The following GGNBP2 variants were observed in gnomAD, a reference collection of about 807,000 sequenced individuals.
The protein encoded by GGNBP2 is gametogenetin binding protein 2.
GGNBP2 carries 10 observed loss-of-function variants against 85.9 expected under a neutral mutation model. That is an observed-to-expected ratio of 0.12 (90% confidence interval 0.07 to 0.20). GGNBP2 has a LOEUF of 0.20. Ranked by LOEUF, GGNBP2 falls within the 10% of genes least tolerant of loss-of-function variation. The pLI, the probability that GGNBP2 is intolerant of heterozygous loss-of-function variation, is 1.00. For missense variants in GGNBP2, 595 were observed against 857.8 expected, an observed-to-expected ratio of 0.69 and a Z score of 3.83; for synonymous variants, 287 against 285.7, an observed-to-expected ratio of 1.00 and a Z score of -0.05.
At chr17:36,551,233 T>G (rs1362747696) in intron 2 of GGNBP2, among the ~76,000 whole-genome samples, 6 of 151,266 alleles carry the variant, frequency 4.0e-5, no homozygotes, top group Non-Finnish European at 8.8e-5. Flanking sequence ...TGAGACCGAG[T>G]TTTGCTCTTG....
At chr17:36,571,843 A>T (rs2074528305) in intron 6 of GGNBP2, among the ~76,000 whole-genome samples, 1 of 151,688 alleles carries the variant, frequency 6.6e-6, no homozygotes, top group Non-Finnish European at 1.5e-5. Flanking sequence ...ACTCCATCTC[A>T]AAAAAAAGAT....
At chr17:36,551,039 C>T (rs2074303518) in intron 2 of GGNBP2, among the ~76,000 whole-genome samples, 1 of 152,128 alleles carries the variant, frequency 6.6e-6, no homozygotes, top group African/African-American at 2.4e-5. Context: ...AGTGCATTGT[C>T]TCCAGCCAGA....
chr17:36,554,352 ATTTTTTTTTTTTTTTTTT>A (rs780217291), intron 2 of GGNBP2, among the ~76,000 whole-genome samples: 232 of 44,526 alleles, frequency 5.2e-3, no homozygotes, highest in Non-Finnish European at 6.4e-3. Context: ...ATGTACTTGA[ATTTTTTTTTTTTTTTTTT>A]TTTTTTTTTT....
intron 5 of GGNBP2, among the ~76,000 whole-genome samples, chr17:36,566,301 A>G (rs1043210676): frequency 6.6e-6 from 1 of 152,196 alleles, no homozygotes; most frequent in Non-Finnish European, 1.5e-5. Context: ...ATGTGTGGCA[A>G]TTTTCATACT....
chr17:36,562,045 C>G (rs2074422351), intron 5 of GGNBP2, among the ~76,000 whole-genome samples: 1 of 152,182 alleles, frequency 6.6e-6, no homozygotes. Flanking sequence ...TTGTCCCCTA[C>G]AAAATTGCCT....
intron 9 of GGNBP2, 192 bp downstream of exon 9, chr17:36,581,730 T>C (rs2074652519): frequency 5.4e-6 from 2 of 373,548 alleles, no homozygotes; most frequent in East Asian, 4.0e-5. Context: ...TATTTTATTT[T>C]ATTTTTTTAA....
At chr17:36,582,438 G>A (rs1000292268) in intron 9 of GGNBP2, 3 of 152,088 alleles carry the variant, frequency 2.0e-5, no homozygotes, top group Non-Finnish European at 4.4e-5. Context: ...TAGAAAATAA[G>A]GACAAGAAAA....
chr17:36,577,675 A>G (rs1228755305), intron 6 of GGNBP2: 7 of 388,238 alleles, frequency 1.8e-5, no homozygotes, highest in Non-Finnish European at 3.4e-5. Flanking sequence ...AAGTGGAGAT[A>G]TGCTAGTTCT....
intron 9 of GGNBP2, among the ~76,000 whole-genome samples, chr17:36,582,857 T>C (rs866250173): frequency 1.3e-5 from 2 of 152,298 alleles, no homozygotes; most frequent in Non-Finnish European, 1.5e-5. Flanking sequence ...AGCTTTTGTT[T>C]ATGTGGGTTA....
At position 36,575,005 on chromosome 17, in the gene GGNBP2, C is replaced by T. The variant is rs772288861; in HGVS notation, c.642-2978C>T. On this transcript the variant is annotated intron_variant, in intron 6 of 13. Transcript: ENST00000613102. ...GCTGGCCGGCACGGGTCTGCTTCTGCACTGGCATAATCTTCAAAACCTCGT... is the reference window on the plus strand; with the variant it reads ...GCTGGCCGGCACGGGTCTGCTTCTGTACTGGCATAATCTTCAAAACCTCGT... The T allele has an allele frequency of 1.8e-4, 274 of 1,532,244 alleles. 1 individual carries two copies. The highest frequency in any genetic ancestry group is 3.6e-5 in the Non-Finnish European group (41 of 1,140,128). 94.9% of individuals were successfully genotyped at this position (1,532,244 alleles called of 1,614,324 possible). A position where few individuals can be genotyped will look rare whatever the true frequency, so the allele number is the denominator to read the frequency against.
chr17:36,581,371 A>T lies in GGNBP2; in HGVS notation c.1048A>T (p.Ser350Cys). Reference protein sequence around the residue: ...EMTVEKVQGISRLEQLCEEFS... With the variant: ...EMTVEKVQGICRLEQLCEEFS... ...GACCGTGGAAAAAGTACAGGGTATT[A>T]GCAGATTGGAACAACTTTGTGAGGA... is the stretch of plus-strand genomic sequence containing the variant. Residue 350 changes from serine to cysteine, a missense_variant, in exon 9 of 14, where the codon AGC (serine) becomes TGC (cysteine). By Grantham distance (112) the Ser-to-Cys change is moderately radical (BLOSUM62 -1). Around this residue, in one of 9 missense-constraint regions of GGNBP2, gnomAD observed 92 missense variants for 183.9 expected, o/e 0.50. Coordinates refer to ENST00000613102, the MANE Select transcript of GGNBP2 (RefSeq NM_024835.5). The T allele has an allele frequency of 1.2e-6, 2 of 1,612,822 alleles. No homozygotes were observed. The highest frequency in any genetic ancestry group is 1.7e-6 in the Non-Finnish European group (2 of 1,179,192).
At chr17:36,566,915 C>T (rs1018719525) in intron 5 of GGNBP2, among the ~76,000 whole-genome samples, 3 of 151,606 alleles carry the variant, frequency 2.0e-5, no homozygotes, top group Non-Finnish European at 4.4e-5. Flanking sequence ...CCTGTAATCC[C>T]AGTGCTTTGG....
Position 36,585,453 on chromosome 17 carries a change from A to G in GGNBP2, c.1366+3A>G. ...GGGGTCCCCTAAAATAAAGAAAGGT[A>G]AGTAAATAATTTCTTTTTAAAATGA... On this transcript the variant is annotated splice_donor_region_variant and intron_variant, in intron 10 of 13. Coordinates refer to ENST00000613102, the MANE Select transcript of GGNBP2 (RefSeq NM_024835.5). 1 of 1,575,944 alleles carries G rather than the reference A, an allele frequency of 6.3e-7. No individual in the cohort carries two copies. Among genetic ancestry groups the G allele is most frequent in the Non-Finnish European group, 8.6e-7 (1 of 1,156,992 alleles).
At chr17:36,588,545 C>T (rs901290450) in intron 13 of GGNBP2, among the ~76,000 whole-genome samples, 10 of 152,102 alleles carry the variant, frequency 6.6e-5, no homozygotes, top group South Asian at 2.1e-4. Flanking sequence ...CGTGAGCCAC[C>T]GCGCCCAGCT....
Position 36,545,108 on chromosome 17 carries a change from G to C in GGNBP2, c.-107+11G>C, listed in dbSNP as rs1004381264. ...CCTCCTCCGAGAAGGGTGAGGAAAG[G>C]GTCTGAGCCTCCCCGTTCCCTGGAC... On this transcript the variant is annotated intron_variant, in intron 1 of 13. Coordinates refer to ENST00000613102, the MANE Select transcript of GGNBP2 (RefSeq NM_024835.5). 6.5e-6 allele frequency: 1 copy of C among 153,060 alleles called. No individual in the cohort carries two copies. The highest frequency in any genetic ancestry group is 1.5e-5 in the Non-Finnish European group (1 of 68,312). The allele number at this position is 153,060 out of a possible 1,614,324, so 9.5% of individuals were successfully genotyped here.
intron 6 of GGNBP2, among the ~76,000 whole-genome samples, chr17:36,571,584 G>C (rs2074525060): frequency 1.3e-5 from 2 of 151,664 alleles, no homozygotes; most frequent in Admixed American, 1.3e-4. Flanking sequence ...GCTCACGCCT[G>C]TAATCCCAGC....
chr17:36,586,892 T>C (rs1403148278), intron 12 of GGNBP2, 105 bp from the exon 13 acceptor site: 12 of 1,146,842 alleles, frequency 1.0e-5, no homozygotes, highest in Non-Finnish European at 1.3e-5. Context: ...ATGTTGAGAT[T>C]GTAGGCATGA....
intron 6 of GGNBP2, among the ~76,000 whole-genome samples, chr17:36,575,558 A>G (rs910685633): frequency 2.1e-5 from 3 of 139,610 alleles, no homozygotes; most frequent in African/African-American, 8.2e-5. Context: ...ATTTAACATT[A>G]TTTGTCAGCA....
intron 5 of GGNBP2, among the ~76,000 whole-genome samples, chr17:36,567,032 A>G (rs2074475548): frequency 6.6e-6 from 1 of 152,104 alleles, no homozygotes; most frequent in Non-Finnish European, 1.5e-5. Flanking sequence ...AAATTACTTG[A>G]TGATGATCTC....
Sources: allele counts gnomAD v4.1 joint callset (sites outside exome capture counted in the v4.1 genomes callset), GRCh38; gene constraint gnomAD v4.1.1; regional missense constraint gnomAD v4.1.1; transcripts MANE v1.5; gene names NCBI Gene and HGNC (gene_info 2026-07-23, HGNC 2026-07-21).